BSPRY: variants seen among roughly 807,000 people sequenced by gnomAD.
BSPRY encodes B-box and SPRY domain containing.
In BSPRY, 33 loss-of-function variants were observed where a neutral mutation model predicts 38.0. The ratio of observed to expected loss-of-function variants is 0.87; its 90% CI spans 0.66 to 1.16. The LOEUF is 1.16. Among genes scored for constraint, BSPRY ranks in the 50% most tolerant of loss-of-function variants. The probability of loss-of-function intolerance (pLI) is 0.00; values close to 1 mark genes in which losing one functional copy is unlikely to be tolerated. For missense variants in BSPRY, 523 were observed against 533.2 expected, an observed-to-expected ratio of 0.98 and a Z score of 0.19; for synonymous variants, 224 against 228.5, an observed-to-expected ratio of 0.98 and a Z score of 0.18.
chr9:113,355,150 C>T (rs1486278766), intron 2 of BSPRY, among the ~76,000 whole-genome samples: 2 of 152,374 alleles, frequency 1.3e-5, no homozygotes, highest in African/African-American at 2.4e-5. Flanking sequence ...AGCCGCCATG[C>T]CTGGCCTCCA....
Position 113,356,914 on chromosome 9 carries a change from A to G in BSPRY, c.300+2576A>G, listed in dbSNP as rs148998652. Among the ~76,000 whole-genome samples the G allele has an allele frequency of 1.2e-3, 178 of 152,278 alleles. No homozygotes were observed. The East Asian group carries it at 0.015, about 13-fold the overall frequency. ...TGGGCATGTTATGTTTGAGATACCT[A>G]TTTGACATCCAAGTGAAGGTGCTGA... is the stretch of plus-strand genomic sequence containing the variant. On this transcript the variant is annotated intron_variant, in intron 2 of 5. Transcript: ENST00000374183.
intron 1 of BSPRY, among the ~76,000 whole-genome samples, chr9:113,350,223 G>A (rs934425294): frequency 6.6e-6 from 1 of 152,028 alleles, no homozygotes; most frequent in Admixed American, 6.6e-5. Context: ...CCCAGCTCCC[G>A]CCCCTGTGGA....
Position 113,354,969 on chromosome 9 carries a change from C to T in BSPRY, c.300+631C>T, listed in dbSNP as rs187750360. On this transcript the variant is annotated intron_variant, in intron 2 of 5. Coordinates refer to ENST00000374183, the MANE Select transcript of BSPRY (RefSeq NM_017688.3). Reference sequence around the variant, plus strand: ...ACCCCTGGTTCAAGCAATTCTCCTGCCTCAGCCTCCCAAAGTGCTGGGATT... The same window carrying T: ...ACCCCTGGTTCAAGCAATTCTCCTGTCTCAGCCTCCCAAAGTGCTGGGATT... Among the ~76,000 whole-genome samples, 405 of 152,250 alleles carry T rather than the reference C, an allele frequency of 2.7e-3. 1 individual carries two copies. Among genetic ancestry groups the T allele is most frequent in the African/African-American group, 8.8e-3 (366 of 41,536 alleles).
chr9:113,365,410 C>A (rs535698638), intron 4 of BSPRY, among the ~76,000 whole-genome samples: 7 of 152,282 alleles, frequency 4.6e-5, no homozygotes, highest in Admixed American at 3.9e-4. Flanking sequence ...ACTGTTATTA[C>A]TAATTTTGAC....
At chr9:113,353,334 C>T (rs904914493) in intron 1 of BSPRY, among the ~76,000 whole-genome samples, 1 of 152,112 alleles carries the variant, frequency 6.6e-6, no homozygotes, top group African/African-American at 2.4e-5. Context: ...TGCAGTGAGT[C>T]TTGATCATGC....
rs926097871 is a variant in BSPRY at position 113,370,281 on chromosome 9, A to G, written c.*139A>G. On this transcript the variant is annotated 3_prime_UTR_variant, in exon 6 of 6. Transcript: ENST00000374183. The surrounding 1 kb of genome is among the most constrained non-coding windows in gnomAD (Gnocchi z 4.8). ...TAACCAGTGGGCAGCTTTAGGAGGG[A>G]TGGGGATCTGTTTCAGATCTAGGCA... The G allele has an allele frequency of 8.5e-6, 9 of 1,057,848 alleles. No individual in the cohort carries two copies. The highest frequency in any genetic ancestry group is 1.1e-5 in the Non-Finnish European group (8 of 758,428). 65.5% of individuals were successfully genotyped at this position (1,057,848 alleles called of 1,614,324 possible). A position where few individuals can be genotyped will look rare whatever the true frequency, so the allele number is the denominator to read the frequency against.
At chr9:113,355,045 C>T (rs1288196761) in intron 2 of BSPRY, among the ~76,000 whole-genome samples, 8 of 152,068 alleles carry the variant, frequency 5.3e-5, no homozygotes, top group Non-Finnish European at 7.4e-5. Flanking sequence ...TTAGTAGAGA[C>T]GGGGTTTTAC....
chr9:113,363,892 A>G (rs1272629861), intron 4 of BSPRY, among the ~76,000 whole-genome samples: 1 of 149,064 alleles, frequency 6.7e-6, no homozygotes, highest in African/African-American at 2.5e-5. Context: ...AAAAAAAAAA[A>G]AAAAAAAAAA....
At chr9:113,350,778 C>T (rs1297155810) in intron 1 of BSPRY, among the ~76,000 whole-genome samples, 1 of 152,154 alleles carries the variant, frequency 6.6e-6, no homozygotes, top group East Asian at 1.9e-4. Context: ...GCTCCTGGTT[C>T]GTCCTACCTG....
chr9:113,365,170 A>C (rs1182177681), intron 4 of BSPRY, among the ~76,000 whole-genome samples: 1 of 152,188 alleles, frequency 6.6e-6, no homozygotes, highest in East Asian at 1.9e-4. Context: ...GATGTCTGCC[A>C]GGTTTCCTCA....
At chr9:113,356,501 C>CT (rs1834061124) in intron 2 of BSPRY, among the ~76,000 whole-genome samples, 1 of 81,036 alleles carries the variant, frequency 1.2e-5, no homozygotes, top group African/African-American at 6.4e-5. Context: ...GAGACTCTGT[C>CT]TCAAAAAAAA....
chr9:113,363,902 A>G (rs1317665900), intron 4 of BSPRY, among the ~76,000 whole-genome samples: 1 of 135,954 alleles, frequency 7.4e-6, no homozygotes, highest in African/African-American at 2.8e-5. Flanking sequence ...AAAAAAAAAA[A>G]AAAAAGCTGG....
At chr9:113,354,120 A>G (rs967847190) in intron 1 of BSPRY, 120 bp from the exon 2 acceptor site, 1 of 740,418 alleles carries the variant, frequency 1.4e-6, no homozygotes. Flanking sequence ...TAATGATGAG[A>G]TCTGGGCTAT....
In BSPRY at chr9:113,349,564, G is replaced by A; in HGVS notation, c.-16G>A. ...CCACCTGCGACAGGTGGAGCGCACG[G>A]GGCGGGCGCACGGCCATGTCCGCCG... is the stretch of plus-strand genomic sequence containing the variant. On this transcript the variant is annotated 5_prime_UTR_variant, in exon 1 of 6. Transcript: ENST00000374183. 4 of 1,141,866 alleles carry A rather than the reference G, an allele frequency of 3.5e-6. No individual in the cohort carries two copies. Among genetic ancestry groups the A allele is most frequent in the Non-Finnish European group, 4.3e-6 (4 of 931,366 alleles). 70.7% of individuals were successfully genotyped at this position (1,141,866 alleles called of 1,614,324 possible). A position where few individuals can be genotyped will look rare whatever the true frequency, so the allele number is the denominator to read the frequency against.
chr9:113,359,048 G>GA (rs55988289), intron 2 of BSPRY, among the ~76,000 whole-genome samples: 4 of 86,600 alleles, frequency 4.6e-5, no homozygotes, highest in Middle Eastern at 5.7e-3. Context: ...GAAAAGAAAA[G>GA]AAAAAAAAAA....
At chr9:113,358,065 T>C (rs1834092256) in intron 2 of BSPRY, among the ~76,000 whole-genome samples, 1 of 149,576 alleles carries the variant, frequency 6.7e-6, no homozygotes. Flanking sequence ...TTGGGCAATA[T>C]AGCAAGACCC....
At chr9:113,353,399 ATAAATT>A (rs1169531178) in intron 1 of BSPRY, among the ~76,000 whole-genome samples, 40 of 151,764 alleles carry the variant, frequency 2.6e-4, no homozygotes, top group African/African-American at 9.4e-4. Flanking sequence ...AAATACATAA[ATAAATT>A]TAAAAAGAAA....
Position 113,349,615 on chromosome 9 carries a change from C to A in BSPRY, c.36C>A (p.Ser12=). 1 of 1,196,642 alleles carries A rather than the reference C, an allele frequency of 8.4e-7. No homozygotes were observed. The highest frequency in any genetic ancestry group is 1.0e-6 in the Non-Finnish European group (1 of 965,320). 74.1% of individuals were successfully genotyped at this position (1,196,642 alleles called of 1,614,324 possible). A position where few individuals can be genotyped will look rare whatever the true frequency, so the allele number is the denominator to read the frequency against. The part of the protein sequence containing the change: ...SAEGAEPGPG[S]GSGPGPGPLC... ...AGGGCGCGGAGCCGGGGCCGGGGTC[C>A]GGGTCCGGGCCCGGGCCGGGGCCAC... The change falls in exon 1 of 6, where the codon TCC becomes TCA. Residue 12 remains serine (S), a synonymous_variant. Transcript: ENST00000374183.
chr9:113,370,353 C>A lies in BSPRY; in HGVS notation c.*211C>A. Reference sequence around the variant, plus strand: ...CCAAACTTTTGGCTTCCCTGGGCCACATTTGAAGAAGAATTTTCTTGGGCC... The same window carrying A: ...CCAAACTTTTGGCTTCCCTGGGCCAAATTTGAAGAAGAATTTTCTTGGGCC... On this transcript the variant is annotated 3_prime_UTR_variant, in exon 6 of 6. Coordinates refer to ENST00000374183, the MANE Select transcript of BSPRY (RefSeq NM_017688.3). This position sits in a 1 kb window ranked among gnomAD's most constrained non-coding sequence, Gnocchi z 4.8. 1 of 434,288 alleles carries A rather than the reference C, an allele frequency of 2.3e-6. No individual in the cohort carries two copies. 26.9% of individuals were successfully genotyped at this position (434,288 alleles called of 1,614,324 possible).
Sources: allele counts gnomAD v4.1 joint callset (sites outside exome capture counted in the v4.1 genomes callset), GRCh38; gene constraint gnomAD v4.1.1; non-coding constraint Gnocchi (gnomAD v3.1); transcripts MANE v1.5; gene names NCBI Gene and HGNC (gene_info 2026-07-23, HGNC 2026-07-21).